The following DCAF5 variants were observed in gnomAD, a reference collection of about 807,000 sequenced individuals.
The protein encoded by DCAF5 is DDB1- and CUL4-associated factor 5.
A neutral mutation model predicts 80.7 loss-of-function variants in DCAF5; 9 were observed. The ratio of observed to expected loss-of-function variants is 0.11; its 90% CI spans 0.07 to 0.19. The LOEUF (loss-of-function observed/expected upper bound fraction) is 0.19, where lower values mean the gene tolerates loss of function less well. Among genes scored for constraint, DCAF5 ranks in the 10% least tolerant of loss-of-function variants. The pLI is 1.00. For synonymous variants in DCAF5, 433 were observed against 461.9 expected, an observed-to-expected ratio of 0.94 and a Z score of 0.80; for missense variants, 842 against 1,205.7, an observed-to-expected ratio of 0.70 and a Z score of 4.47.
In DCAF5 at chr14:69,118,440, C is replaced by A. The variant is rs940798288; in HGVS notation, c.396-162G>T. On this transcript the variant is annotated intron_variant, in intron 3 of 8. Coordinates refer to ENST00000341516, the MANE Select transcript of DCAF5 (RefSeq NM_003861.3). This position sits in a 1 kb window ranked among gnomAD's most constrained non-coding sequence, Gnocchi z 4.0. ...TATTTCCTGAAAGGTAGGTAGTCAA[C>A]TTTCAGGTTAAAAAAAAGGTACTAT... is the stretch of plus-strand genomic sequence containing the variant. Among the ~76,000 whole-genome samples the A allele has an allele frequency of 2.0e-5, 3 of 151,982 alleles. No homozygotes were observed. Among genetic ancestry groups the A allele is most frequent in the Non-Finnish European group, 4.4e-5 (3 of 68,020 alleles).
At chr14:69,136,564 T>C (rs1315713838) in intron 1 of DCAF5, among the ~76,000 whole-genome samples, 2 of 152,090 alleles carry the variant, frequency 1.3e-5, no homozygotes, top group African/African-American at 4.8e-5. Flanking sequence ...AAATATACTG[T>C]TTTTACTATT....
chr14:69,143,888 G>A (rs1033144766), intron 1 of DCAF5: 3 of 152,554 alleles, frequency 2.0e-5, no homozygotes, highest in Non-Finnish European at 1.5e-5. Flanking sequence ...GAGTGGAAAA[G>A]GAACAAAGAA....
At chr14:69,088,106 T>C (rs1437548661) in intron 6 of DCAF5, among the ~76,000 whole-genome samples, 2 of 152,200 alleles carry the variant, frequency 1.3e-5, no homozygotes, top group Non-Finnish European at 2.9e-5. Context: ...CCCATTTAGA[T>C]GGGATGTGGG....
intron 6 of DCAF5, chr14:69,083,847 T>C (rs1414719434): frequency 2.7e-6 from 2 of 742,726 alleles, no homozygotes; most frequent in African/African-American, 1.7e-5. Flanking sequence ...AGAAGCCAGA[T>C]GATGAAGATG....
intron 8 of DCAF5, among the ~76,000 whole-genome samples, 182 bp downstream of exon 8, chr14:69,062,202 C>G (rs2038240116): frequency 6.6e-6 from 1 of 152,244 alleles, no homozygotes; most frequent in Admixed American, 6.5e-5. Context: ...CAGGTACTGT[C>G]ACTATGCCTG....
At position 69,091,854 on chromosome 14, in the gene DCAF5, G is replaced by T. The variant is rs779119029; in HGVS notation, c.699C>A (p.Leu233=). ...SLLRYGGNLS[L]QSAMSVRFNS... ...TGAATCGTACACTCATGGCACTTTG[G>T]AGGGACAGGTTTCCACCATAGCGCA... Residue 233 remains leucine (L), a synonymous_variant, in exon 6 of 9, where the codon CTC becomes CTA. Transcript: ENST00000341516. 6.2e-7 allele frequency: 1 copy of T among 1,613,946 alleles called. No individual in the cohort carries two copies. The highest frequency in any genetic ancestry group is 1.7e-5 in the Admixed American group (1 of 60,000).
rs1159853647 is a variant in DCAF5 at position 69,052,611 on chromosome 14, T to A, written c.*1246A>T. 1 of 152,460 alleles carries A rather than the reference T, an allele frequency of 6.6e-6. No homozygotes were observed. Among genetic ancestry groups the A allele is most frequent in the Non-Finnish European group, 1.5e-5 (1 of 68,026 alleles). 9.4% of individuals were successfully genotyped at this position (152,460 alleles called of 1,614,324 possible). On this transcript the variant is annotated 3_prime_UTR_variant, in exon 9 of 9. Transcript: ENST00000341516. ...TTTCTCTTCTAAACCTGTATCTACC[T>A]CAATAAAACTGAGTCTTTTATGGGA... is the stretch of plus-strand genomic sequence containing the variant.
intron 5 of DCAF5, among the ~76,000 whole-genome samples, chr14:69,107,711 A>G (rs2040211778): frequency 6.6e-6 from 1 of 152,192 alleles, no homozygotes; most frequent in Non-Finnish European, 1.5e-5. Flanking sequence ...CTAAGGATTT[A>G]TTCCTGAGAT....
intron 1 of DCAF5, among the ~76,000 whole-genome samples, chr14:69,151,585 A>C (rs1371834411): frequency 6.6e-6 from 1 of 152,154 alleles, no homozygotes; most frequent in Non-Finnish European, 1.5e-5. Context: ...ACGCCCAATC[A>C]GCCGTCTTCA....
In DCAF5 at chr14:69,055,345, G is replaced by A. The variant is rs10134594; in HGVS notation, c.1341C>T (p.His447=). ...DLSESTILQL[H]AGVSERSGYT... is the part of the protein sequence containing the mutation. Reference sequence around the variant, plus strand: ...AGCCTGAGCGCTCGCTGACCCCAGCGTGCAGTTGGAGGATAGTACTCTCAC... The same window carrying A: ...AGCCTGAGCGCTCGCTGACCCCAGCATGCAGTTGGAGGATAGTACTCTCAC... The change falls in exon 9 of 9, where the codon CAC becomes CAT. Residue 447 remains histidine (H), a synonymous_variant. Coordinates refer to ENST00000341516, the MANE Select transcript of DCAF5 (RefSeq NM_003861.3). This position sits in a 1 kb window ranked among gnomAD's most constrained non-coding sequence, Gnocchi z 5.6. 0.01 allele frequency: 16,651 copies of A among 1,614,082 alleles called. 1,470 individuals carry two copies. In the African/African-American group the frequency reaches 0.2, roughly 19 times the overall value.
Position 69,055,518 on chromosome 14 carries a change from T to C in DCAF5, c.1168A>G (p.Ile390Val), listed in dbSNP as rs1408900314. ...SRCLYTHEEY[I>V]SLVLNSGSGL... ...CTCCCACTGTTCAGCACAAGGCTGA[T>C]GTACTCTTCATGGGTATAGAGGCAG... Residue 390 changes from isoleucine to valine, a missense_variant, in exon 9 of 9, where the codon ATC becomes GTC. Coordinates refer to ENST00000341516, the MANE Select transcript of DCAF5 (RefSeq NM_003861.3). The surrounding 1 kb of genome is among the most constrained non-coding windows in gnomAD (Gnocchi z 5.6). 1 of 1,614,056 alleles carries C rather than the reference T, an allele frequency of 6.2e-7. No homozygotes were observed. The highest frequency in any genetic ancestry group is 1.7e-5 in the Admixed American group (1 of 59,998).
chr14:69,085,158 T>G, intron 6 of DCAF5: 1 of 748,810 alleles, frequency 1.3e-6, no homozygotes, highest in South Asian at 1.4e-5. Flanking sequence ...CGATTCCCAT[T>G]CTCTGAAACA....
At chr14:69,088,660 A>G (rs1471383265) in intron 6 of DCAF5, among the ~76,000 whole-genome samples, 1 of 152,190 alleles carries the variant, frequency 6.6e-6, no homozygotes, top group Non-Finnish European at 1.5e-5. Context: ...GTTCATTCCT[A>G]TTACGGAAAT....
intron 5 of DCAF5, among the ~76,000 whole-genome samples, chr14:69,106,488 C>T (rs2140022359): frequency 6.6e-6 from 1 of 152,252 alleles, no homozygotes; most frequent in African/African-American, 2.4e-5. Flanking sequence ...CCTGCCTCAG[C>T]CTCTCCAGTA....
chr14:69,066,038 C>T (rs556862280), intron 7 of DCAF5, among the ~76,000 whole-genome samples: 78 of 152,216 alleles, frequency 5.1e-4, no homozygotes, highest in African/African-American at 1.9e-3. Context: ...AAAAGGATCT[C>T]ATTCCTGAGC....
At chr14:69,141,059 G>A (rs1209841659) in intron 1 of DCAF5, among the ~76,000 whole-genome samples, 1 of 150,676 alleles carries the variant, frequency 6.6e-6, no homozygotes, top group African/African-American at 2.5e-5. Context: ...GCTTGAACTC[G>A]GGAGGTGAAG....
chr14:69,112,539 T>G (rs1382530989), intron 5 of DCAF5, among the ~76,000 whole-genome samples: 2 of 129,018 alleles, frequency 1.6e-5, no homozygotes, highest in Non-Finnish European at 1.7e-5. Flanking sequence ...TCTCTAAAAA[T>G]AAAAACTAAA....
chr14:69,148,956 A>G (rs2041625737), intron 1 of DCAF5, among the ~76,000 whole-genome samples: 1 of 152,204 alleles, frequency 6.6e-6, no homozygotes, highest in Non-Finnish European at 1.5e-5. Context: ...TCCACATCAA[A>G]AAGTCACAAA....
At chr14:69,060,659 G>A (rs2038176277) in intron 8 of DCAF5, among the ~76,000 whole-genome samples, 1 of 151,996 alleles carries the variant, frequency 6.6e-6, no homozygotes. Flanking sequence ...AGCCTCCTGA[G>A]TAGCTGAGAC....
Sources: allele counts gnomAD v4.1 joint callset (sites outside exome capture counted in the v4.1 genomes callset), GRCh38; gene constraint gnomAD v4.1.1; non-coding constraint Gnocchi (gnomAD v3.1); transcripts MANE v1.5; gene names NCBI Gene and HGNC (gene_info 2026-07-23, HGNC 2026-07-21).